Variants in DTD1 observed in about 807,000 individuals in gnomAD.
DTD1 encodes D-aminoacyl-tRNA deacylase 1.
In DTD1, 13 loss-of-function variants were observed where a neutral mutation model predicts 25.6. The ratio of observed to expected loss-of-function variants is 0.51; its 90% CI spans 0.33 to 0.81. The LOEUF (loss-of-function observed/expected upper bound fraction) is 0.81, where lower values mean the gene tolerates loss of function less well. Ranked by LOEUF, DTD1 falls within the 30% of genes least tolerant of loss-of-function variation. The probability of loss-of-function intolerance (pLI) is 0.02; values close to 1 mark genes in which losing one functional copy is unlikely to be tolerated. For synonymous variants in DTD1, 110 were observed against 103.6 expected (o/e 1.06, Z -0.37); for missense variants, 193 against 266.4 (o/e 0.72, Z 1.92).
chr20:18,593,767 T>C lies in DTD1; in HGVS notation c.80T>C (p.Ile27Thr). The change falls in exon 2 of 6, where the codon ATA (isoleucine) becomes ACA (threonine). Residue 27 changes from isoleucine to threonine, a missense_variant. Ile to Thr is a moderately conservative substitution (Grantham distance 89). Coordinates refer to ENST00000377452, the MANE Select transcript of DTD1 (RefSeq NM_080820.6). Reference sequence around the variant, plus strand: ...CAGATTAGTGCCATTGGAAGGGGCATATGTGTGTTGCTGGGTATTTCCCTG... The same window carrying C: ...CAGATTAGTGCCATTGGAAGGGGCACATGTGTGTTGCTGGGTATTTCCCTG... ...GEQISAIGRGICVLLGISLED... is the reference protein window; with the variant it reads ...GEQISAIGRGTCVLLGISLED... 1 of 1,614,078 alleles carries C rather than the reference T, an allele frequency of 6.2e-7. No homozygotes were observed. The highest frequency in any genetic ancestry group is 8.5e-7 in the Non-Finnish European group (1 of 1,179,950).
intron 4 of DTD1, among the ~76,000 whole-genome samples, chr20:18,710,698 T>G (rs928997961): frequency 6.6e-6 from 1 of 152,238 alleles, no homozygotes; most frequent in Non-Finnish European, 1.5e-5. Flanking sequence ...AAAGATTCAC[T>G]GTACTACTTC....
At chr20:18,641,349 G>T (rs774878909) in intron 4 of DTD1, among the ~76,000 whole-genome samples, 2 of 152,132 alleles carry the variant, frequency 1.3e-5, no homozygotes, top group African/African-American at 2.4e-5. Context: ...ATTCCTCTGG[G>T]TAAATACCTA....
chr20:18,600,455 G>T (rs1394101344), intron 3 of DTD1, among the ~76,000 whole-genome samples: 1 of 152,116 alleles, frequency 6.6e-6, no homozygotes, highest in Non-Finnish European at 1.5e-5. Flanking sequence ...TGTTCCATTG[G>T]TCTGTTTCTC....
intron 5 of DTD1, among the ~76,000 whole-genome samples, chr20:18,761,002 G>T (rs1046427153): frequency 2.6e-5 from 4 of 152,180 alleles, no homozygotes; most frequent in African/African-American, 9.7e-5. Flanking sequence ...CTAGCAATGA[G>T]CGAGGCTCTG....
intron 5 of DTD1, among the ~76,000 whole-genome samples, chr20:18,745,083 C>T (rs1042504708): frequency 1.3e-5 from 2 of 152,166 alleles, no homozygotes; most frequent in Non-Finnish European, 2.9e-5. Context: ...AGTCCACTTG[C>T]GCTCCTGCAT....
chr20:18,648,768 G>A (rs1279553215), intron 4 of DTD1, among the ~76,000 whole-genome samples: 1 of 151,824 alleles, frequency 6.6e-6, no homozygotes, highest in Non-Finnish European at 1.5e-5. Context: ...AGGCCGAGGT[G>A]GGCGGATCAC....
intron 4 of DTD1, among the ~76,000 whole-genome samples, chr20:18,719,182 A>C (rs1267324168): frequency 6.6e-6 from 1 of 152,184 alleles, no homozygotes; most frequent in Non-Finnish European, 1.5e-5. Flanking sequence ...AAAGTTGAAT[A>C]ATCTTGTAAG....
At chr20:18,632,299 G>C in intron 4 of DTD1, 1 of 985,378 alleles carries the variant, frequency 1.0e-6, no homozygotes, top group Non-Finnish European at 1.2e-6. Flanking sequence ...AAATTGTCTT[G>C]CATCAACTTC....
chr20:18,656,196 A>G (rs538129518), intron 4 of DTD1, among the ~76,000 whole-genome samples: 2 of 152,278 alleles, frequency 1.3e-5, no homozygotes, highest in East Asian at 3.9e-4. Context: ...GAAGGCTTGG[A>G]TATTTTCTTT....
intron 4 of DTD1, among the ~76,000 whole-genome samples, chr20:18,660,190 G>T (rs2060904389): frequency 6.6e-6 from 1 of 152,030 alleles, no homozygotes; most frequent in Admixed American, 6.5e-5. Flanking sequence ...CTGGGAGCCA[G>T]AGCGAGACTC....
At chr20:18,592,544 G>A (rs1402623403) in intron 1 of DTD1, 1 of 151,986 alleles carries the variant, frequency 6.6e-6, no homozygotes, top group Non-Finnish European at 1.5e-5. Flanking sequence ...GAACTCCTGT[G>A]CTGATTAGTA....
At chr20:18,683,320 A>G (rs2061004526) in intron 4 of DTD1, among the ~76,000 whole-genome samples, 1 of 152,088 alleles carries the variant, frequency 6.6e-6, no homozygotes, top group Non-Finnish European at 1.5e-5. Flanking sequence ...TTTCCATTTT[A>G]TTATGTGACT....
At chr20:18,717,429 CT>C (rs2061185528) in intron 4 of DTD1, among the ~76,000 whole-genome samples, 1 of 152,040 alleles carries the variant, frequency 6.6e-6, no homozygotes, top group African/African-American at 2.4e-5. Flanking sequence ...TAAATTTTAG[CT>C]TTTTATAATA....
At chr20:18,620,928 C>T (rs1176671168) in intron 3 of DTD1, among the ~76,000 whole-genome samples, 1 of 152,168 alleles carries the variant, frequency 6.6e-6, no homozygotes, top group South Asian at 2.1e-4. Context: ...TTTAGGCTTA[C>T]AGAAAAGTTT....
chr20:18,690,760 T>C (rs1218476588), intron 4 of DTD1, among the ~76,000 whole-genome samples: 2 of 151,244 alleles, frequency 1.3e-5, no homozygotes, highest in Non-Finnish European at 2.9e-5. Flanking sequence ...ATACTATAGT[T>C]TAATGTCAGG....
intron 4 of DTD1, among the ~76,000 whole-genome samples, chr20:18,726,444 G>A (rs562949812): frequency 1.3e-5 from 2 of 152,154 alleles, no homozygotes; most frequent in Admixed American, 6.5e-5. Context: ...GATGAGGGGG[G>A]TGTTTTTGTC....
intron 4 of DTD1, among the ~76,000 whole-genome samples, chr20:18,720,589 T>G (rs1415557101): frequency 6.6e-6 from 1 of 152,196 alleles, no homozygotes; most frequent in Non-Finnish European, 1.5e-5. Flanking sequence ...GCAGCTTGGC[T>G]CAAACCTGTA....
chr20:18,609,615 G>A (rs1466683379), intron 3 of DTD1, among the ~76,000 whole-genome samples: 2 of 152,054 alleles, frequency 1.3e-5, no homozygotes, highest in Non-Finnish European at 2.9e-5. Context: ...CAGCTCATTT[G>A]ATGTGCTCAT....
In DTD1 at chr20:18,696,341, C is replaced by A. The variant is rs1030919888; in HGVS notation, c.478-47759C>A. The stretch of plus-strand genomic sequence containing the variant: ...GGGACGTGCAGGGCCTTGCCAAGAC[C>A]AGGAAAGATGACATCTGTAGTTTCC... On this transcript the variant is annotated intron_variant, in intron 4 of 5. Coordinates refer to ENST00000377452, the MANE Select transcript of DTD1 (RefSeq NM_080820.6). Among the ~76,000 whole-genome samples, 24 of 152,210 alleles carry A rather than the reference C, an allele frequency of 1.6e-4. 2 individuals are homozygous for A. Among genetic ancestry groups the A allele is most frequent in the Admixed American group, 1.1e-3 (17 of 15,276 alleles).
Sources: gnomAD v4.1 joint callset for allele counts (sites outside exome capture counted in the v4.1 genomes callset) on GRCh38, gnomAD v4.1.1 for gene constraint, MANE v1.5 for transcripts, NCBI Gene and HGNC (gene_info 2026-07-23, HGNC 2026-07-21) for gene names.